PDE10A: variants seen among roughly 807,000 people sequenced by gnomAD.
The protein encoded by PDE10A is phosphodiesterase 10A, also known as cAMP and cAMP-inhibited cGMP 3',5'-cyclic phosphodiesterase 10A.
Under a neutral mutation model 97.7 loss-of-function variants are expected in PDE10A, and 39 were observed. That is an observed-to-expected ratio of 0.40 (90% CI 0.31 to 0.52). The LOEUF is 0.52. Ranked by LOEUF, PDE10A falls within the 20% of genes least tolerant of loss-of-function variation. PDE10A has a pLI of 0.56. For missense variants in PDE10A, 731 were observed against 1,047.8 expected, an observed-to-expected ratio of 0.70 and a Z score of 4.17; for synonymous variants, 371 against 376.8, an observed-to-expected ratio of 0.98 and a Z score of 0.18.
At chr6:165,502,249 GA>G (rs1317426586) in intron 2 of PDE10A, among the ~76,000 whole-genome samples, 2 of 152,194 alleles carry the variant, frequency 1.3e-5, no homozygotes, top group East Asian at 1.9e-4. Context: ...AATCATCAAA[GA>G]AAAAATTGAT....
chr6:165,663,786 A>G (rs563773718), upstream of PDE10A, among the ~76,000 whole-genome samples: 1 of 152,318 alleles, frequency 6.6e-6, no homozygotes, highest in African/African-American at 2.4e-5. Flanking sequence ...AAAAATGAGC[A>G]AGACTGTGCG....
At chr6:165,360,027 A>C (rs1045542089) in intron 18 of PDE10A, among the ~76,000 whole-genome samples, 3 of 152,170 alleles carry the variant, frequency 2.0e-5, no homozygotes, top group Admixed American at 2.0e-4. Context: ...ATCCTGTGGA[A>C]GTTTGAGTTT....
At chr6:165,845,644 T>C (rs959732275) in intron 1 of PDE10A, among the ~76,000 whole-genome samples, 1 of 152,202 alleles carries the variant, frequency 6.6e-6, no homozygotes, top group African/African-American at 2.4e-5. Context: ...CCTTTAAGCA[T>C]AAAGCTTGCT....
chr6:165,958,508 A>G lies in PDE10A; in HGVS notation c.-615+29021T>C, dbSNP rs1401919730. ...AGAAAGAGAGAAAGACAAGAAAGAAAGAAAGAAAGAAAGAAAGAAAGAAAG... is the reference window on the plus strand; with the variant it reads ...AGAAAGAGAGAAAGACAAGAAAGAAGGAAAGAAAGAAAGAAAGAAAGAAAG... On this transcript the variant is annotated intron_variant, in intron 1 of 19. Coordinates refer to the PDE10A transcript ENST00000366882. Among the ~76,000 whole-genome samples the G allele has an allele frequency of 5.7e-4, 5 of 8,764 alleles. No individual in the cohort carries two copies. In the South Asian group the frequency reaches 0.02, roughly 35 times the overall value. The allele number at this position is 8,764 out of a possible 152,430, so 5.7% of individuals were successfully genotyped here.
At chr6:165,714,145 G>C (rs182071154) in intron 1 of PDE10A, among the ~76,000 whole-genome samples, 1 of 152,184 alleles carries the variant, frequency 6.6e-6, no homozygotes, top group African/African-American at 2.4e-5. Context: ...CCCCTATTGC[G>C]TATCTGCATT....
At chr6:165,874,670 C>A (rs1282520921) in intron 1 of PDE10A, among the ~76,000 whole-genome samples, 1 of 152,162 alleles carries the variant, frequency 6.6e-6, no homozygotes, top group African/African-American at 2.4e-5. Context: ...AATCTCTGCA[C>A]AGTTCAAATT....
At chr6:165,555,933 A>T (rs568446799) in intron 1 of PDE10A, among the ~76,000 whole-genome samples, 33 of 152,330 alleles carry the variant, frequency 2.2e-4, no homozygotes, top group African/African-American at 7.7e-4. Context: ...CTCCTATGTG[A>T]CGATTTTTTC....
rs1784383677 is a variant in PDE10A at position 165,373,192 on chromosome 6, C to A, written c.2783+6002G>T. 3.3e-5 allele frequency among the ~76,000 whole-genome samples: 5 copies of A among 151,164 alleles called. No individual in the cohort carries two copies. The South Asian group carries it at 1.1e-3, about 32-fold the overall frequency. The stretch of plus-strand genomic sequence containing the variant: ...GGGCAAGGACTTCATGTCTAAAACA[C>A]CAAAAGCAATGGCAACAAAAGACAA... On this transcript the variant is annotated intron_variant, in intron 18 of 21. Transcript: ENST00000539869.
At chr6:165,342,371 A>C (rs1271876129) in intron 19 of PDE10A, among the ~76,000 whole-genome samples, 5 of 152,262 alleles carry the variant, frequency 3.3e-5, no homozygotes, top group Admixed American at 3.3e-4. Flanking sequence ...CTAGGTTCTG[A>C]CACATACACA....
At chr6:165,600,239 A>G (rs980100913) in intron 1 of PDE10A, among the ~76,000 whole-genome samples, 9 of 152,224 alleles carry the variant, frequency 5.9e-5, no homozygotes, top group Admixed American at 3.3e-4. Flanking sequence ...TGCTGGGGAC[A>G]CACTGCCAAA....
intron 1 of PDE10A, chr6:165,940,662 T>C (rs939724746): frequency 5.9e-5 from 9 of 152,262 alleles, no homozygotes; most frequent in Admixed American, 2.0e-4. Flanking sequence ...CTGGGGGTGC[T>C]TCCTCGTTCC....
chr6:165,442,139 G>GT (rs1405268082), intron 5 of PDE10A, among the ~76,000 whole-genome samples: 2 of 152,092 alleles, frequency 1.3e-5, no homozygotes, highest in Admixed American at 6.5e-5. Context: ...AATAAAAGAG[G>GT]TTTAATTTTT....
intron 3 of PDE10A, among the ~76,000 whole-genome samples, chr6:165,452,913 A>C (rs1054857832): frequency 6.6e-6 from 1 of 151,768 alleles, no homozygotes; most frequent in Admixed American, 6.6e-5. Context: ...AAAAAAAAAA[A>C]CAGCTGTAGG....
chr6:165,451,408 A>T (rs1464874312), intron 3 of PDE10A, among the ~76,000 whole-genome samples: 1 of 152,186 alleles, frequency 6.6e-6, no homozygotes, highest in Non-Finnish European at 1.5e-5. Context: ...TGTAAACTCG[A>T]AATATAAAAT....
At chr6:165,510,152 C>T (rs1781428201) in intron 2 of PDE10A, among the ~76,000 whole-genome samples, 1 of 152,024 alleles carries the variant, frequency 6.6e-6, no homozygotes, top group Admixed American at 6.6e-5. Context: ...TTGTCTTGTT[C>T]CAGGTCTTAC....
chr6:165,760,229 G>A (rs1221429822), intron 1 of PDE10A, among the ~76,000 whole-genome samples: 1 of 152,170 alleles, frequency 6.6e-6, no homozygotes, highest in East Asian at 1.9e-4. Context: ...CTTAATTACA[G>A]TGAAGTTGAG....
intron 18 of PDE10A, among the ~76,000 whole-genome samples, chr6:165,358,486 G>A (rs894244466): frequency 6.9e-6 from 1 of 145,968 alleles, no homozygotes; most frequent in African/African-American, 2.5e-5. Context: ...AGATTATTTT[G>A]TACAATTTTA....
chr6:165,746,219 C>CA (rs1792839615), intron 1 of PDE10A, among the ~76,000 whole-genome samples: 1 of 151,986 alleles, frequency 6.6e-6, no homozygotes, highest in Non-Finnish European at 1.5e-5. Context: ...TAAATAGCAC[C>CA]AAAAAAATAC....
intron 1 of PDE10A, among the ~76,000 whole-genome samples, chr6:165,843,150 C>T (rs1780307445): frequency 6.6e-6 from 1 of 152,218 alleles, no homozygotes; most frequent in Non-Finnish European, 1.5e-5. Context: ...GGTGAGAAGA[C>T]CAGGTCCCAG....
Sources: allele counts gnomAD v4.1 joint callset (sites outside exome capture counted in the v4.1 genomes callset), GRCh38; gene constraint gnomAD v4.1.1; transcripts MANE v1.5; gene names NCBI Gene and HGNC (gene_info 2026-07-23, HGNC 2026-07-21).